Variants in UBASH3B observed in about 807,000 individuals in gnomAD.
UBASH3B encodes ubiquitin associated and SH3 domain containing B.
In UBASH3B, 37 loss-of-function variants were observed where a neutral mutation model predicts 83.4. The observed-to-expected ratio is 0.44, with a 90% confidence interval of 0.34 to 0.58. The LOEUF is 0.58. Among genes scored for constraint, UBASH3B ranks in the 20% least tolerant of loss-of-function variants. UBASH3B has a pLI of 0.01. For synonymous variants in UBASH3B, 304 were observed against 318.3 expected (o/e 0.96, Z 0.48); for missense variants, 657 against 827.2 (o/e 0.79, Z 2.52).
chr11:122,656,638 T>G lies in UBASH3B; in HGVS notation c.161+428T>G, dbSNP rs376215229. On this transcript the variant is annotated intron_variant, in intron 1 of 13. Transcript: ENST00000284273. ...ACTGGGCTGGTCTGGGATCCTCCGGTGTCTGGGAAAGGGCGGGAGACTGCG... is the reference window on the plus strand; with the variant it reads ...ACTGGGCTGGTCTGGGATCCTCCGGGGTCTGGGAAAGGGCGGGAGACTGCG... 5.9e-5 allele frequency among the ~76,000 whole-genome samples: 9 copies of G among 152,176 alleles called. No individual in the cohort carries two copies. In the East Asian group the frequency reaches 1.7e-3, roughly 30 times the overall value.
intron 1 of UBASH3B, among the ~76,000 whole-genome samples, chr11:122,674,725 T>G (rs1362774592): frequency 2.6e-5 from 1 of 38,336 alleles, no homozygotes; most frequent in African/African-American, 7.1e-5. Context: ...CTGCAGTTAG[T>G]TTTTTTTTTT....
rs376558913 is a variant in UBASH3B, at chr11:122,704,941, T to C, written c.161+48731T>C. ...TTTGGGGGGTTAGAAGAAAAGAAGG[T>C]CACTCTGATAAAAAGACCTATGGTT... is the stretch of plus-strand genomic sequence containing the variant. On this transcript the variant is annotated intron_variant, in intron 1 of 13. Transcript: ENST00000284273. 4.9e-4 allele frequency among the ~76,000 whole-genome samples: 74 copies of C among 152,236 alleles called. No homozygotes were observed. The South Asian group carries it at 0.011, about 23-fold the overall frequency.
intron 1 of UBASH3B, among the ~76,000 whole-genome samples, chr11:122,743,463 G>C (rs1002433616): frequency 2.0e-5 from 3 of 152,142 alleles, no homozygotes; most frequent in Non-Finnish European, 2.9e-5. Context: ...TGACCCTCCT[G>C]CTTCGGCTTC....
At chr11:122,779,796 G>A (rs1217932133) in intron 4 of UBASH3B, 101 bp downstream of exon 4, 1 of 1,398,960 alleles carries the variant, frequency 7.1e-7, no homozygotes, top group African/African-American at 1.4e-5. Context: ...ATGGGGTCAG[G>A]AGGTGGAGGA....
intron 1 of UBASH3B, among the ~76,000 whole-genome samples, chr11:122,670,545 A>T (rs148341761): frequency 4.6e-5 from 7 of 152,296 alleles, no homozygotes; most frequent in African/African-American, 1.7e-4. Flanking sequence ...TGTTACAATG[A>T]TTAGATGAGA....
chr11:122,769,192 A>C (rs1403651293), intron 1 of UBASH3B, among the ~76,000 whole-genome samples: 2 of 152,212 alleles, frequency 1.3e-5, no homozygotes, highest in Non-Finnish European at 2.9e-5. Flanking sequence ...AGGCAAAGGA[A>C]GGAGACATAT....
In UBASH3B at chr11:122,809,853, C is replaced by T; in HGVS notation, c.1917C>T (p.Gly639=). The T allele has an allele frequency of 6.2e-7, 1 of 1,614,154 alleles. No homozygotes were observed. The highest frequency in any genetic ancestry group is 8.5e-7 in the Non-Finnish European group (1 of 1,180,022). The change falls in exon 14 of 14, where the codon GGC becomes GGT. Residue 639 remains glycine, a synonymous_variant. Coordinates refer to ENST00000284273, the MANE Select transcript of UBASH3B (RefSeq NM_032873.5). ...CTCTTACCCATGGACCAACTGGGGG[C>T]TTCAACTGGAGAGAGACCTTGCTTC... The part of the protein sequence containing the change: ...ILPLTHGPTG[G]FNWRETLLQE
intron 13 of UBASH3B, 143 bp downstream of exon 13, chr11:122,808,319 A>G (rs773621304): frequency 9.4e-6 from 7 of 745,552 alleles, no homozygotes; most frequent in African/African-American, 1.7e-5. Flanking sequence ...ACCAAGATGT[A>G]TTGAGTGATA....
intron 1 of UBASH3B, among the ~76,000 whole-genome samples, chr11:122,736,837 C>T (rs1180268639): frequency 6.6e-6 from 1 of 151,962 alleles, no homozygotes; most frequent in Non-Finnish European, 1.5e-5. Context: ...ATCGCTTGAG[C>T]CCAGGAGTTT....
At chr11:122,738,433 G>A (rs1467991860) in intron 1 of UBASH3B, among the ~76,000 whole-genome samples, 2 of 152,130 alleles carry the variant, frequency 1.3e-5, no homozygotes, top group African/African-American at 4.8e-5. Context: ...AGAAGACAGA[G>A]GAGAAGACAG....
chr11:122,805,239 G>A (rs145083608), intron 11 of UBASH3B, among the ~76,000 whole-genome samples: 2 of 152,138 alleles, frequency 1.3e-5, no homozygotes, highest in Non-Finnish European at 1.5e-5. Context: ...TTTTTAAAAC[G>A]GTCAGATTGG....
At position 122,783,156 on chromosome 11, in the gene UBASH3B, C is replaced by G; in HGVS notation, c.705C>G (p.Asp235Glu). Residue 235 changes from aspartate to glutamate, a missense_variant, in exon 5 of 14, where the codon GAC becomes GAG. This residue lies in a region of UBASH3B where 573 missense variants were observed against 739.0 expected (regional missense o/e 0.78). Coordinates refer to ENST00000284273, the MANE Select transcript of UBASH3B (RefSeq NM_032873.5). ...TAGAGAAACTGGCCCAGAACATTGA[C>G]GTCAAGCTAGGGTGTGACTGGGTGG... is the stretch of plus-strand genomic sequence containing the variant. ...PTLEKLAQNI[D>E]VKLGCDWVAT... The G allele has an allele frequency of 6.2e-7, 1 of 1,614,148 alleles. No individual in the cohort carries two copies. The highest frequency in any genetic ancestry group is 1.1e-5 in the South Asian group (1 of 91,072).
intron 1 of UBASH3B, among the ~76,000 whole-genome samples, chr11:122,710,226 C>G (rs1293456416): frequency 6.6e-6 from 1 of 150,958 alleles, no homozygotes; most frequent in African/African-American, 2.4e-5. Flanking sequence ...GGTCTAGCTT[C>G]TAGGTTCTCA....
rs1232611523 is a variant in UBASH3B at position 122,814,133 on chromosome 11, G to A, written c.*4247G>A. On this transcript the variant is annotated 3_prime_UTR_variant, in exon 14 of 14. Transcript: ENST00000284273. ...TCTTTCTTTGATTGCCACTCAAGAT[G>A]GAAACACCATGCCAAGGCATTTTGG... 6.6e-6 allele frequency: 1 copy of A among 152,586 alleles called. No homozygotes were observed. Among genetic ancestry groups the A allele is most frequent in the Non-Finnish European group, 1.5e-5 (1 of 68,036 alleles). 9.5% of individuals were successfully genotyped at this position (152,586 alleles called of 1,614,324 possible).
intron 1 of UBASH3B, among the ~76,000 whole-genome samples, chr11:122,706,299 A>G (rs1338745938): frequency 6.6e-6 from 1 of 151,936 alleles, no homozygotes; most frequent in Non-Finnish European, 1.5e-5. Flanking sequence ...CCACCCCTGG[A>G]TTCAGATCTA....
chr11:122,672,018 C>T (rs1020412973), intron 1 of UBASH3B, among the ~76,000 whole-genome samples: 12 of 151,862 alleles, frequency 7.9e-5, no homozygotes, highest in Admixed American at 7.9e-4. Context: ...TGCAGGGCTA[C>T]CGATGTTTAG....
In UBASH3B at chr11:122,729,815, A is replaced by AAC. The variant is rs1555141315; in HGVS notation, c.162-46403_162-46402insCA. On this transcript the variant is annotated intron_variant, in intron 1 of 13. Transcript: ENST00000284273. ...CTCTACAAAAAAAAAAAAAAAAAAA[A>AAC]AAAACCCTAAAAAGTTACCCAGGCA... is the stretch of plus-strand genomic sequence containing the variant. Among the ~76,000 whole-genome samples the AAC allele has an allele frequency of 7.8e-3, 1,143 of 145,694 alleles. 24 individuals carry two copies. The highest frequency in any genetic ancestry group is 0.028 in the African/African-American group (1,077 of 37,884).
At chr11:122,765,025 A>T (rs926195130) in intron 1 of UBASH3B, among the ~76,000 whole-genome samples, 7 of 151,352 alleles carry the variant, frequency 4.6e-5, no homozygotes, top group Non-Finnish European at 1.0e-4. Context: ...AAAAAAAAAA[A>T]TGTAGGGGGA....
intron 11 of UBASH3B, among the ~76,000 whole-genome samples, chr11:122,805,644 G>A (rs1861328008): frequency 6.6e-6 from 1 of 152,130 alleles, no homozygotes; most frequent in Non-Finnish European, 1.5e-5. Flanking sequence ...CACGAGAACA[G>A]CACAGGAAAG....
Sources: gnomAD v4.1 joint callset for allele counts (sites outside exome capture counted in the v4.1 genomes callset) on GRCh38, gnomAD v4.1.1 for gene constraint, gnomAD v4.1.1 regional missense constraint, MANE v1.5 for transcripts, NCBI Gene and HGNC (gene_info 2026-07-23, HGNC 2026-07-21) for gene names.